Variants in CDCP1 observed in about 807,000 individuals in gnomAD.
The protein encoded by CDCP1 is CUB domain-containing protein 1.
Under a neutral mutation model 60.2 loss-of-function variants are expected in CDCP1, and 29 were observed. The ratio of observed to expected loss-of-function variants is 0.48; its 90% confidence interval spans 0.36 to 0.66. CDCP1 has a LOEUF of 0.66. Ranked by LOEUF, CDCP1 falls within the 30% of genes least tolerant of loss-of-function variation. The pLI, the probability that CDCP1 is intolerant of heterozygous loss-of-function variation, is 0.00. For synonymous variants in CDCP1, 387 were observed against 431.1 expected (o/e 0.90, Z 1.27); for missense variants, 876 against 1,074.3 (o/e 0.82, Z 2.58).
chr3:45,138,242 T>C (rs1451862891), intron 1 of CDCP1, among the ~76,000 whole-genome samples: 2 of 152,252 alleles, frequency 1.3e-5, no homozygotes, highest in African/African-American at 4.8e-5. Flanking sequence ...AATAACTTCA[T>C]ACGGCTTTTC....
chr3:45,129,675 C>T (rs4683055), intron 1 of CDCP1, among the ~76,000 whole-genome samples: 71,630 of 151,910 alleles, frequency 0.47, 17,094 homozygotes, highest in South Asian at 0.58. Context: ...GGGACACACA[C>T]GCAAAGGCCC....
rs1698702706 is a variant in CDCP1, at chr3:45,112,058, A to T, written c.655+25T>A. On this transcript the variant is annotated intron_variant, in intron 3 of 8. Transcript: ENST00000296129. ...TGATCTTGTGTGTTTTAACCTAATC[A>T]GATAGCAGGGAGGGGCTTTCTCACG... The T allele has an allele frequency of 3.1e-6, 5 of 1,604,356 alleles. No homozygotes were observed. In the East Asian group the frequency reaches 1.1e-4, roughly 36 times the overall value.
rs1452043530 is a variant in CDCP1 at position 45,093,335 on chromosome 3, G to T, written c.1569C>A (p.Ser523Arg). ...CCTGCCTGGAGGCCTCTTGTTGGAA[G>T]CTGGGGGCAAAGGTGCGAAGGGTCA... ...ISVTLRTFAP[S>R]FQQEASRQGL... The change falls in exon 6 of 9, where the codon AGC becomes AGA. Residue 523 changes from serine (S) to arginine (R), a missense_variant. This residue lies in a region of CDCP1 where 726 missense variants were observed against 935.7 expected (regional missense o/e 0.78). Transcript: ENST00000296129. 1 of 1,614,112 alleles carries T rather than the reference G, an allele frequency of 6.2e-7. No individual in the cohort carries two copies. Among genetic ancestry groups the T allele is most frequent in the Non-Finnish European group, 8.5e-7 (1 of 1,180,048 alleles).
chr3:45,144,362 A>C (rs1221384806), intron 1 of CDCP1, among the ~76,000 whole-genome samples: 2 of 152,228 alleles, frequency 1.3e-5, no homozygotes, highest in African/African-American at 4.8e-5. Context: ...TCAAGACTAC[A>C]GGCAACTACT....
At chr3:45,104,898 A>G (rs1338804071) in intron 4 of CDCP1, among the ~76,000 whole-genome samples, 7 of 152,214 alleles carry the variant, frequency 4.6e-5, no homozygotes, top group Non-Finnish European at 1.0e-4. Flanking sequence ...TACTGAAAAT[A>G]CAAAATTAGC....
At chr3:45,104,256 C>G (rs1698527324) in intron 4 of CDCP1, among the ~76,000 whole-genome samples, 1 of 152,248 alleles carries the variant, frequency 6.6e-6, no homozygotes, top group Admixed American at 6.5e-5. Context: ...AGGAGGCTCT[C>G]TGTAATATCA....
In CDCP1 at chr3:45,101,853, T is replaced by A. The variant is rs111499592; in HGVS notation, c.1025-6285A>T. 8.1e-3 allele frequency among the ~76,000 whole-genome samples: 1,093 copies of A among 134,486 alleles called. 14 individuals are homozygous for A. The highest frequency in any genetic ancestry group is 0.029 in the African/African-American group (1,041 of 35,656). The allele number at this position is 134,486 out of a possible 152,430, so 88.2% of individuals were successfully genotyped here. ...GTGAGCCGAGATCGCACCATTGCACTCCAGCCTGGGCAACAAGAGTGAAAC... is the reference window on the plus strand; with the variant it reads ...GTGAGCCGAGATCGCACCATTGCACACCAGCCTGGGCAACAAGAGTGAAAC... On this transcript the variant is annotated intron_variant, in intron 4 of 8. Transcript: ENST00000296129.
Position 45,082,414 on chromosome 3 carries a change from CTGCTGAGCCCA to C in CDCP1, c.*3213_*3223del, listed in dbSNP as rs1397959284. 1 of 152,234 alleles carries C rather than the reference CTGCTGAGCCCA, an allele frequency of 6.6e-6. No individual in the cohort carries two copies. Among genetic ancestry groups the C allele is most frequent in the Non-Finnish European group, 1.5e-5 (1 of 68,056 alleles). 9.4% of individuals were successfully genotyped at this position (152,234 alleles called of 1,614,324 possible). A position where few individuals can be genotyped will look rare whatever the true frequency, so the allele number is the denominator to read the frequency against. On this transcript the variant is annotated 3_prime_UTR_variant, in exon 9 of 9. Transcript: ENST00000296129. ...TATCATCCACAAATTAAGACAGCAT[CTGCTGAGCCCA>C]TGCTGAGCCTGTCACAGTCAACAAC...
At chr3:45,131,629 A>C (rs1364757843) in intron 1 of CDCP1, among the ~76,000 whole-genome samples, 1 of 152,206 alleles carries the variant, frequency 6.6e-6, no homozygotes, top group African/African-American at 2.4e-5. Context: ...CCAAACATTG[A>C]CTAAAACTAC....
At chr3:45,138,635 G>C (rs1169552398) in intron 1 of CDCP1, among the ~76,000 whole-genome samples, 1 of 152,230 alleles carries the variant, frequency 6.6e-6, no homozygotes, top group Non-Finnish European at 1.5e-5. Context: ...GATCACCTGA[G>C]GTCAAGAGTT....
intron 2 of CDCP1, 135 bp from the exon 3 acceptor site, chr3:45,112,580 C>A (rs1383172699): frequency 2.5e-6 from 3 of 1,207,818 alleles, no homozygotes; most frequent in East Asian, 4.7e-5. Context: ...CAGGGGCACC[C>A]AGGCCCCAAC....
intron 4 of CDCP1, among the ~76,000 whole-genome samples, chr3:45,108,366 T>C (rs1181648492): frequency 6.6e-6 from 1 of 152,166 alleles, no homozygotes; most frequent in Non-Finnish European, 1.5e-5. Flanking sequence ...TTGACACTGC[T>C]AAACACCTCT....
At chr3:45,103,185 C>T (rs571405749) in intron 4 of CDCP1, among the ~76,000 whole-genome samples, 5 of 152,310 alleles carry the variant, frequency 3.3e-5, no homozygotes, top group Non-Finnish European at 7.3e-5. Flanking sequence ...ATTTCTATCA[C>T]TGCAGATTCT....
chr3:45,128,876 C>T (rs1015119138), intron 1 of CDCP1, among the ~76,000 whole-genome samples: 1 of 152,144 alleles, frequency 6.6e-6, no homozygotes, highest in South Asian at 2.1e-4. Flanking sequence ...CGCCACCATG[C>T]CTGGCTAATC....
chr3:45,146,401 C>A (rs889857183), upstream of CDCP1: 25 of 851,666 alleles, frequency 2.9e-5, no homozygotes, highest in Admixed American at 4.2e-5. Context: ...TGCGCGCGGG[C>A]GGACCGGCCC....
chr3:45,102,966 T>C (rs1452014346), intron 4 of CDCP1, among the ~76,000 whole-genome samples: 1 of 39,708 alleles, frequency 2.5e-5, no homozygotes, highest in Non-Finnish European at 5.2e-5. Flanking sequence ...TTGGTCTTGA[T>C]TTTTTTTTTT....
At chr3:45,126,446 C>G (rs1699002131) in intron 1 of CDCP1, among the ~76,000 whole-genome samples, 1 of 152,030 alleles carries the variant, frequency 6.6e-6, no homozygotes, top group African/African-American at 2.4e-5. Flanking sequence ...TGGAGTCTTC[C>G]TAGTCCAGTG....
chr3:45,099,737 T>C (rs1400931656), intron 4 of CDCP1, among the ~76,000 whole-genome samples: 1 of 152,082 alleles, frequency 6.6e-6, no homozygotes, highest in Admixed American at 6.6e-5. Flanking sequence ...TTCAGCCCTT[T>C]TGACTCTTTC....
At chr3:45,104,777 G>A (rs1576090208) in intron 4 of CDCP1, among the ~76,000 whole-genome samples, 1 of 152,178 alleles carries the variant, frequency 6.6e-6, no homozygotes, top group Non-Finnish European at 1.5e-5. Flanking sequence ...TTTGAGGCTG[G>A]GTGTGGTGGC....
Sources: allele counts gnomAD v4.1 joint callset (sites outside exome capture counted in the v4.1 genomes callset), GRCh38; gene constraint gnomAD v4.1.1; regional missense constraint gnomAD v4.1.1; transcripts MANE v1.5; gene names NCBI Gene and HGNC (gene_info 2026-07-23, HGNC 2026-07-21).